PTPRD: variants seen among roughly 807,000 people sequenced by gnomAD.
PTPRD encodes receptor-type tyrosine-protein phosphatase delta.
Under a neutral mutation model 214.5 loss-of-function variants are expected in PTPRD, and 34 were observed. The observed-to-expected ratio is 0.16, with a 90% confidence interval of 0.12 to 0.21. PTPRD has a LOEUF of 0.21. Ranked by LOEUF, PTPRD falls within the 10% of genes least tolerant of loss-of-function variation. PTPRD has a pLI of 1.00. For missense variants in PTPRD, 2,545 were observed against 2,398.7 expected, an observed-to-expected ratio of 1.06 and a Z score of -1.27; for synonymous variants, 1,128 against 845.7, an observed-to-expected ratio of 1.33 and a Z score of -5.79.
At chr9:9,075,407 T>G (rs1251258694) in intron 10 of PTPRD, among the ~76,000 whole-genome samples, 1 of 152,012 alleles carries the variant, frequency 6.6e-6, no homozygotes, top group African/African-American at 2.4e-5. Context: ...GATATCGGTA[T>G]TATTTATTTT....
chr9:8,547,152 A>G (rs1038506981), intron 14 of PTPRD, among the ~76,000 whole-genome samples: 3 of 152,198 alleles, frequency 2.0e-5, no homozygotes, highest in East Asian at 1.9e-4. Context: ...ATAATGTACA[A>G]AAGTGATGAT....
intron 11 of PTPRD, among the ~76,000 whole-genome samples, chr9:8,735,076 G>A (rs2089845310): frequency 6.6e-6 from 1 of 151,734 alleles, no homozygotes; most frequent in Admixed American, 6.6e-5. Flanking sequence ...ACTACCATCA[G>A]AGTTCGTGGG....
chr9:10,368,950 T>A (rs2097562921), intron 2 of PTPRD, among the ~76,000 whole-genome samples: 1 of 152,096 alleles, frequency 6.6e-6, no homozygotes, highest in African/African-American at 2.4e-5. Context: ...AGGACAGAGC[T>A]ATTTTACCCA....
intron 20 of PTPRD, among the ~76,000 whole-genome samples, chr9:8,519,295 T>G (rs2097846475): frequency 6.6e-6 from 1 of 152,216 alleles, no homozygotes; most frequent in Non-Finnish European, 1.5e-5. Flanking sequence ...ATCCATCTTT[T>G]TAGAGGTCTA....
At chr9:10,455,793 A>G (rs923962666) in intron 2 of PTPRD, among the ~76,000 whole-genome samples, 1 of 151,666 alleles carries the variant, frequency 6.6e-6, no homozygotes, top group African/African-American at 2.4e-5. Context: ...TCATTTATTT[A>G]TAAGGAAAAA....
At chr9:9,541,867 T>C (rs2077660531) in intron 8 of PTPRD, among the ~76,000 whole-genome samples, 1 of 151,704 alleles carries the variant, frequency 6.6e-6, no homozygotes, top group South Asian at 2.1e-4. Flanking sequence ...TGAGTAACTA[T>C]TGAATGTTGG....
At chr9:8,361,892 G>A (rs893879513) in intron 39 of PTPRD, among the ~76,000 whole-genome samples, 2 of 152,216 alleles carry the variant, frequency 1.3e-5, no homozygotes, top group Non-Finnish European at 2.9e-5. Context: ...ATAACAAAGA[G>A]GATCGTGTTC....
intron 3 of PTPRD, among the ~76,000 whole-genome samples, chr9:10,047,996 A>G (rs1367225900): frequency 6.6e-6 from 1 of 152,188 alleles, no homozygotes; most frequent in East Asian, 1.9e-4. Flanking sequence ...TAACAGAGTG[A>G]ACTTTCCAGT....
intron 9 of PTPRD, among the ~76,000 whole-genome samples, chr9:9,321,816 G>C (rs181831500): frequency 9.2e-5 from 14 of 152,224 alleles, no homozygotes; most frequent in African/African-American, 3.4e-4. Context: ...GATTAAATGA[G>C]ATAATTCATG....
chr9:10,212,514 C>T (rs918730325), intron 3 of PTPRD, among the ~76,000 whole-genome samples: 1 of 152,066 alleles, frequency 6.6e-6, no homozygotes, highest in Non-Finnish European at 1.5e-5. Context: ...TTTATTCCAA[C>T]AGGAGTGTTT....
intron 12 of PTPRD, among the ~76,000 whole-genome samples, chr9:8,730,098 T>A (rs1413317911): frequency 1.3e-5 from 2 of 151,956 alleles, no homozygotes; most frequent in African/African-American, 2.4e-5. Flanking sequence ...CTACTAAATA[T>A]ACAGAAAATT....
intron 11 of PTPRD, among the ~76,000 whole-genome samples, chr9:8,772,093 C>T (rs1024132930): frequency 6.6e-6 from 1 of 151,662 alleles, no homozygotes; most frequent in African/African-American, 2.4e-5. Context: ...TACTATGTGC[C>T]CACAAAAATT....
Position 8,528,700 on chromosome 9 carries a change from G to A in PTPRD, c.432C>T (p.Thr144=), listed in dbSNP as rs746980552. The A allele has an allele frequency of 1.9e-6, 3 of 1,613,686 alleles. No individual in the cohort carries two copies. The highest frequency in any genetic ancestry group is 2.5e-6 in the Non-Finnish European group (3 of 1,179,736). ...LKVVERTRTA[T]MLCAASGNPD... is the part of the protein sequence containing the mutation. ...GATTACCACTGGCTGCACAAAGCAT[G>A]GTGGCCGTGCGAGTACGCTCAACCA... The change falls in exon 15 of 46, where the codon ACC becomes ACT. Residue 144 remains threonine, a synonymous_variant. Coordinates refer to ENST00000381196, the MANE Select transcript of PTPRD (RefSeq NM_002839.4).
intron 9 of PTPRD, among the ~76,000 whole-genome samples, chr9:9,339,256 T>C (rs1255821078): frequency 1.3e-5 from 2 of 151,372 alleles, no homozygotes; most frequent in South Asian, 2.1e-4. Context: ...GGCAGGTGGA[T>C]CACGAGGTCA....
At chr9:10,183,268 A>ATTTTT (rs2099311303) in intron 3 of PTPRD, among the ~76,000 whole-genome samples, 1 of 152,154 alleles carries the variant, frequency 6.6e-6, no homozygotes, top group Non-Finnish European at 1.5e-5. Flanking sequence ...AAAACAGAGG[A>ATTTTT]CTATGATTGG....
intron 11 of PTPRD, among the ~76,000 whole-genome samples, chr9:8,863,077 AAAAG>A (rs201763270): frequency 0.041 from 6,235 of 152,288 alleles, 308 homozygotes; most frequent in African/African-American, 0.11. Flanking sequence ...AATAATAAAA[AAAAG>A]AAATCCACAT....
At chr9:10,568,638 T>G (rs966036662) in intron 2 of PTPRD, among the ~76,000 whole-genome samples, 1 of 152,064 alleles carries the variant, frequency 6.6e-6, no homozygotes, top group Non-Finnish European at 1.5e-5. Flanking sequence ...ACTATCTGAT[T>G]GTTGACAAAC....
At chr9:10,569,084 CA>C (rs1031208222) in intron 2 of PTPRD, among the ~76,000 whole-genome samples, 20 of 151,860 alleles carry the variant, frequency 1.3e-4, no homozygotes, top group African/African-American at 4.8e-4. Flanking sequence ...AAGAAAAAAA[CA>C]AAAACCCATC....
At chr9:8,663,961 G>C (rs555035514) in intron 12 of PTPRD, among the ~76,000 whole-genome samples, 1 of 150,590 alleles carries the variant, frequency 6.6e-6, no homozygotes, top group South Asian at 2.1e-4. Flanking sequence ...TGTTTCCCAA[G>C]ACGATCTCTG....
Sources: allele counts gnomAD v4.1 joint callset (sites outside exome capture counted in the v4.1 genomes callset), GRCh38; gene constraint gnomAD v4.1.1; transcripts MANE v1.5; gene names NCBI Gene and HGNC (gene_info 2026-07-23, HGNC 2026-07-21).